CDH23: variants seen among roughly 807,000 people sequenced by gnomAD.
CDH23 encodes cadherin related 23, also known as cadherin-23.
A neutral mutation model predicts 317.1 loss-of-function variants in CDH23; 189 were observed. The observed-to-expected ratio is 0.60, with a 90% CI of 0.53 to 0.67. The LOEUF (loss-of-function observed/expected upper bound fraction) is 0.67. Among genes scored for constraint, CDH23 ranks in the 30% least tolerant of loss-of-function variants. CDH23 has a pLI of 0.00. For missense variants in CDH23, 4,401 were observed against 4,592.4 expected (o/e 0.96, Z 1.20); for synonymous variants, 1,839 against 1,876.8 (o/e 0.98, Z 0.52).
chr10:71,673,669 T>C (rs1864237943), intron 14 of CDH23, among the ~76,000 whole-genome samples: 1 of 152,236 alleles, frequency 6.6e-6, no homozygotes, highest in Admixed American at 6.5e-5. Context: ...CAGTTCTTTC[T>C]CTAGCTGTGA....
intron 6 of CDH23, among the ~76,000 whole-genome samples, chr10:71,539,213 G>A (rs568712244): frequency 6.6e-6 from 1 of 152,278 alleles, no homozygotes; most frequent in East Asian, 1.9e-4. Flanking sequence ...CCTTCCCCTG[G>A]GAACCCCAGC....
chr10:71,434,965 G>A lies in CDH23; in HGVS notation c.-5-4862G>A, dbSNP rs114931045. Among the ~76,000 whole-genome samples the A allele has an allele frequency of 5.8e-3, 890 of 152,266 alleles. 8 individuals carry two copies. The highest frequency in any genetic ancestry group is 0.021 in the African/African-American group (859 of 41,532). On this transcript the variant is annotated intron_variant, in intron 1 of 69. Coordinates refer to ENST00000224721, the MANE Select transcript of CDH23 (RefSeq NM_022124.6). The stretch of plus-strand genomic sequence containing the variant: ...CCTCCTGCTGGCCCAGCATACCTTG[G>A]CTGTGAGCATGTTGGAATTCTCACT...
At chr10:71,761,686 G>GC in intron 38 of CDH23, 1 of 1,613,892 alleles carries the variant, frequency 6.2e-7, no homozygotes, top group Non-Finnish European at 8.5e-7. Flanking sequence ...AGTAGAGGCC[G>GC]CTATCCAGCA....
At chr10:71,800,545 CCA>C in intron 52 of CDH23, 89 bp from the exon 53 acceptor site, 1 of 1,425,590 alleles carries the variant, frequency 7.0e-7, no homozygotes, top group South Asian at 1.2e-5. Context: ...TGTCAAATCT[CCA>C]GAGCCCATAA....
chr10:71,653,201 T>C (rs1181311950), intron 14 of CDH23, among the ~76,000 whole-genome samples: 6 of 152,138 alleles, frequency 3.9e-5, no homozygotes, highest in African/African-American at 1.4e-4. Context: ...GTCAGCCCCA[T>C]TGCTGTTTGT....
At chr10:71,783,179 C>G (rs1027233753) in intron 41 of CDH23, among the ~76,000 whole-genome samples, 7 of 152,218 alleles carry the variant, frequency 4.6e-5, no homozygotes, top group African/African-American at 7.2e-5. Flanking sequence ...GAGGTGGCCT[C>G]TCTTCTGCAG....
chr10:71,585,628 C>A (rs1321813775), intron 9 of CDH23, among the ~76,000 whole-genome samples: 2 of 152,178 alleles, frequency 1.3e-5, no homozygotes, highest in African/African-American at 4.8e-5. Context: ...GCCGAGACAG[C>A]AATAATGCAT....
At chr10:71,802,415 G>T (rs948869530) in intron 53 of CDH23, among the ~76,000 whole-genome samples, 1 of 152,236 alleles carries the variant, frequency 6.6e-6, no homozygotes, top group Non-Finnish European at 1.5e-5. Flanking sequence ...GTGTCTGTAA[G>T]ACCTGCCCTG....
intron 8 of CDH23, among the ~76,000 whole-genome samples, chr10:71,571,861 G>T (rs1381344841): frequency 2.0e-5 from 3 of 152,216 alleles, no homozygotes; most frequent in African/African-American, 7.2e-5. Context: ...AGCGTTCAGG[G>T]CCCCACCCGC....
At chr10:71,788,530 G>T (rs547687126) in intron 44 of CDH23, among the ~76,000 whole-genome samples, 1 of 150,316 alleles carries the variant, frequency 6.7e-6, no homozygotes, top group Non-Finnish European at 1.5e-5. Flanking sequence ...ATATCCGCTC[G>T]CTGCAAGCTC....
intron 14 of CDH23, among the ~76,000 whole-genome samples, chr10:71,667,746 C>T (rs1405830055): frequency 1.3e-5 from 2 of 152,030 alleles, no homozygotes; most frequent in Non-Finnish European, 2.9e-5. Flanking sequence ...AGAAGGGGTT[C>T]TCAGGAAGGG....
chr10:71,478,953 G>A (rs1018928070), intron 3 of CDH23, among the ~76,000 whole-genome samples: 1 of 152,160 alleles, frequency 6.6e-6, no homozygotes, highest in African/African-American at 2.4e-5. Flanking sequence ...TTTTATGTCT[G>A]TTCATGGGTC....
At chr10:71,652,521 C>T (rs1863224215) in intron 14 of CDH23, among the ~76,000 whole-genome samples, 1 of 152,230 alleles carries the variant, frequency 6.6e-6, no homozygotes, top group South Asian at 2.1e-4. Context: ...TGGCTGCCCA[C>T]CAGCCCTTCG....
At chr10:71,738,971 T>C (rs1839658552) in intron 35 of CDH23, among the ~76,000 whole-genome samples, 1 of 152,232 alleles carries the variant, frequency 6.6e-6, no homozygotes, top group Non-Finnish European at 1.5e-5. Context: ...TCTCTCCTGC[T>C]TCCTAGGCCC....
Position 71,730,498 on chromosome 10 carries a change from T to A in CDH23, c.3609T>A (p.Asp1203Glu). The A allele has an allele frequency of 1.9e-6, 3 of 1,613,880 alleles. No homozygotes were observed. Among genetic ancestry groups the A allele is most frequent in the Non-Finnish European group, 2.5e-6 (3 of 1,179,870 alleles). Residue 1203 changes from aspartate (D) to glutamate (E), a missense_variant, in exon 31 of 70, where the codon GAT becomes GAA. Coordinates refer to ENST00000224721, the MANE Select transcript of CDH23 (RefSeq NM_022124.6). ...RVIVYVEDINDEAPVFTQQQY... is the reference protein window; with the variant it reads ...RVIVYVEDINEEAPVFTQQQY... ...TTGTGTACGTGGAGGACATCAACGA[T>A]GAGGCCCCCGTGTTCACACAGCAGC...
chr10:71,777,781 GCTCAACACCAGC>G lies in CDH23; in HGVS notation c.4952_4963del (p.Asn1651_Leu1654del). On this transcript the variant is annotated inframe_deletion, in exon 39 of 70. Transcript: ENST00000224721. Reference sequence around the variant, plus strand: ...TGCTGCTGGATGAGGGCCCAGACACGCTCAACACCAGCCTCATCACCATCCAGGCACTGGACC... The same window carrying G: ...TGCTGCTGGATGAGGGCCCAGACACGCTCATCACCATCCAGGCACTGGACC... The G allele has an allele frequency of 6.2e-7, 1 of 1,613,832 alleles. No homozygotes were observed. The highest frequency in any genetic ancestry group is 8.5e-7 in the Non-Finnish European group (1 of 1,179,842).
chr10:71,532,727 G>GTTTTTTTTTTTTTTTTTTT (rs200038577), intron 6 of CDH23, among the ~76,000 whole-genome samples: 12 of 93,944 alleles, frequency 1.3e-4, no homozygotes, highest in Non-Finnish European at 1.9e-4. Context: ...TTTTTTTTTT[G>GTTTTTTTTTTTTTTTTTTT]TTTTTTTTTT....
At chr10:71,426,395 T>C (rs1849080778) in intron 1 of CDH23, among the ~76,000 whole-genome samples, 1 of 152,162 alleles carries the variant, frequency 6.6e-6, no homozygotes, top group Non-Finnish European at 1.5e-5. Context: ...CTTGGACTGA[T>C]GGTCTGAAGA....
intron 6 of CDH23, among the ~76,000 whole-genome samples, chr10:71,526,203 C>A (rs1040768189): frequency 1.9e-4 from 29 of 152,238 alleles, no homozygotes; most frequent in Non-Finnish European, 1.3e-4. Flanking sequence ...ATGTATCAAG[C>A]ACATCTTCCT....
Sources: gnomAD v4.1 joint callset for allele counts (sites outside exome capture counted in the v4.1 genomes callset) on GRCh38, gnomAD v4.1.1 for gene constraint, MANE v1.5 for transcripts, NCBI Gene and HGNC (gene_info 2026-07-23, HGNC 2026-07-21) for gene names.